Variants in SPTLC3 observed in about 807,000 individuals in gnomAD.
SPTLC3 encodes the protein serine palmitoyltransferase 3.
SPTLC3 carries 36 observed loss-of-function variants against 59.3 expected under a neutral mutation model. The ratio of observed to expected loss-of-function variants is 0.61; its 90% CI spans 0.47 to 0.80. SPTLC3 has a LOEUF of 0.80. Ranked by LOEUF, SPTLC3 falls within the 30% of genes least tolerant of loss-of-function variation. The pLI is 0.00. For missense variants in SPTLC3, 625 were observed against 685.1 expected (o/e 0.91, Z 0.98); for synonymous variants, 257 against 240.8 (o/e 1.07, Z -0.62).
At chr20:13,087,441 A>G (rs980300413) in intron 4 of SPTLC3, among the ~76,000 whole-genome samples, 1 of 152,108 alleles carries the variant, frequency 6.6e-6, no homozygotes, top group African/African-American at 2.4e-5. Context: ...TTACTAGAAG[A>G]CTTCTCTAGG....
At chr20:13,105,968 C>A (rs1989869351) in intron 6 of SPTLC3, among the ~76,000 whole-genome samples, 1 of 152,102 alleles carries the variant, frequency 6.6e-6, no homozygotes, top group Non-Finnish European at 1.5e-5. Context: ...AAAGAAGATA[C>A]CCAAATAGGT....
chr20:13,012,816 G>A (rs1487752914), intron 1 of SPTLC3, among the ~76,000 whole-genome samples: 2 of 152,144 alleles, frequency 1.3e-5, no homozygotes, highest in Admixed American at 6.5e-5. Flanking sequence ...TCCTTTTTCA[G>A]TATGTTCTAG....
At chr20:13,098,370 C>A (rs113257757) in intron 6 of SPTLC3, among the ~76,000 whole-genome samples, 1 of 152,004 alleles carries the variant, frequency 6.6e-6, no homozygotes, top group Non-Finnish European at 1.5e-5. Context: ...TATGCATAGA[C>A]GAGATGATTA....
intron 1 of SPTLC3, among the ~76,000 whole-genome samples, chr20:13,022,637 G>C (rs901604274): frequency 6.6e-6 from 1 of 152,112 alleles, no homozygotes; most frequent in South Asian, 2.1e-4. Flanking sequence ...ACTGTGAACT[G>C]GATCGATGCA....
chr20:13,082,317 C>A (rs1342312792), intron 4 of SPTLC3, among the ~76,000 whole-genome samples: 1 of 152,166 alleles, frequency 6.6e-6, no homozygotes, highest in Admixed American at 6.5e-5. Flanking sequence ...GACTAGACAT[C>A]AGTTCTCTTG....
chr20:13,138,491 C>T (rs958243900), intron 9 of SPTLC3, among the ~76,000 whole-genome samples: 2 of 152,170 alleles, frequency 1.3e-5, no homozygotes, highest in Admixed American at 6.5e-5. Flanking sequence ...CACCCCTAAC[C>T]CAGCCCTCCA....
intron 9 of SPTLC3, among the ~76,000 whole-genome samples, chr20:13,127,099 A>G (rs550563180): frequency 2.0e-5 from 3 of 152,268 alleles, no homozygotes; most frequent in African/African-American, 7.2e-5. Context: ...CAATTTTTCA[A>G]TCCTTTTATT....
chr20:13,071,423 T>A (rs1455361958), intron 2 of SPTLC3, among the ~76,000 whole-genome samples: 1 of 152,202 alleles, frequency 6.6e-6, no homozygotes, highest in Non-Finnish European at 1.5e-5. Context: ...ATTTGATGAA[T>A]CTGATTTTTC....
intron 11 of SPTLC3, among the ~76,000 whole-genome samples, chr20:13,163,676 CTTAA>C (rs1171393779): frequency 6.6e-6 from 1 of 152,074 alleles, no homozygotes; most frequent in Non-Finnish European, 1.5e-5. Context: ...TGGAGGAAAT[CTTAA>C]TTAATGTCAG....
chr20:13,034,980 A>G (rs1000839753), intron 1 of SPTLC3, among the ~76,000 whole-genome samples: 10 of 152,102 alleles, frequency 6.6e-5, no homozygotes, highest in Admixed American at 5.9e-4. Flanking sequence ...CTTTCTCTCT[A>G]TTCATTGCTA....
chr20:13,154,152 G>A lies in SPTLC3; in HGVS notation c.1415+14G>A. ...TGGTAAAGTAGCGTAAGTATCCAAG[G>A]CATCTCATAATCACACCTAAACCCC... On this transcript the variant is annotated intron_variant, in intron 10 of 11. Coordinates refer to ENST00000399002, the MANE Select transcript of SPTLC3 (RefSeq NM_018327.4). 6.2e-7 allele frequency: 1 copy of A among 1,613,740 alleles called. No homozygotes were observed. The highest frequency in any genetic ancestry group is 8.5e-7 in the Non-Finnish European group (1 of 1,179,838).
At chr20:13,010,469 G>A (rs939841473) in intron 1 of SPTLC3, among the ~76,000 whole-genome samples, 3 of 152,186 alleles carry the variant, frequency 2.0e-5, no homozygotes, top group Non-Finnish European at 4.4e-5. Flanking sequence ...TCTAGAGCCT[G>A]AGTTGTGTGT....
chr20:13,009,242 G>A lies in SPTLC3; in HGVS notation c.-26G>A, dbSNP rs1297721180. On this transcript the variant is annotated 5_prime_UTR_variant, in exon 1 of 12. Coordinates refer to ENST00000399002, the MANE Select transcript of SPTLC3 (RefSeq NM_018327.4). ...TGCAGAGACCTCTGAAGGAAAACCT[G>A]TCCCGGGCTCTGTCACTTCACACCC... is the stretch of plus-strand genomic sequence containing the variant. 1 of 1,602,794 alleles carries A rather than the reference G, an allele frequency of 6.2e-7. No homozygotes were observed. The highest frequency in any genetic ancestry group is 1.7e-5 in the Admixed American group (1 of 59,950).
At chr20:13,154,955 T>C (rs1600399067) in intron 10 of SPTLC3, among the ~76,000 whole-genome samples, 1 of 151,676 alleles carries the variant, frequency 6.6e-6, no homozygotes, top group African/African-American at 2.4e-5. Context: ...CTGAGGCAGG[T>C]GGATCACCTG....
intron 6 of SPTLC3, among the ~76,000 whole-genome samples, chr20:13,104,574 T>C (rs1989769093): frequency 6.6e-6 from 1 of 152,110 alleles, no homozygotes; most frequent in African/African-American, 2.4e-5. Flanking sequence ...AGCGTGAAAA[T>C]GGACTAATAC....
intron 1 of SPTLC3, among the ~76,000 whole-genome samples, chr20:13,032,717 G>T (rs1013412835): frequency 2.0e-5 from 3 of 152,110 alleles, no homozygotes; most frequent in African/African-American, 7.2e-5. Flanking sequence ...ACCCCTCCAT[G>T]CAATCCTGCC....
At chr20:13,152,190 G>A (rs1358711464) in intron 9 of SPTLC3, among the ~76,000 whole-genome samples, 3 of 152,080 alleles carry the variant, frequency 2.0e-5, no homozygotes, top group Non-Finnish European at 4.4e-5. Context: ...TAAGTTACTT[G>A]GCTTCTCCTT....
At chr20:13,109,881 G>A (rs1990126147) in intron 6 of SPTLC3, among the ~76,000 whole-genome samples, 1 of 152,152 alleles carries the variant, frequency 6.6e-6, no homozygotes, top group Non-Finnish European at 1.5e-5. Context: ...ATGCCCCACT[G>A]GTGAGAGTTT....
chr20:13,026,126 C>T (rs1475786288), intron 1 of SPTLC3, among the ~76,000 whole-genome samples: 1 of 152,116 alleles, frequency 6.6e-6, no homozygotes, highest in South Asian at 2.1e-4. Context: ...TCCAGTTTGT[C>T]ACTGATAAGG....
Sources: gnomAD v4.1 joint callset for allele counts (sites outside exome capture counted in the v4.1 genomes callset) on GRCh38, gnomAD v4.1.1 for gene constraint, MANE v1.5 for transcripts, NCBI Gene and HGNC (gene_info 2026-07-23, HGNC 2026-07-21) for gene names.